The following C17orf75 variants were observed in gnomAD, a reference collection of about 807,000 sequenced individuals.
C17orf75 encodes protein Njmu-R1.
C17orf75 carries 32 observed loss-of-function variants against 49.6 expected under a neutral mutation model. The observed-to-expected ratio is 0.65, with a 90% CI of 0.49 to 0.87. C17orf75 has a LOEUF of 0.87. Ranked by LOEUF, C17orf75 falls within the 40% of genes least tolerant of loss-of-function variation. The pLI, the probability that C17orf75 is intolerant of heterozygous loss-of-function variation, is 0.00. For missense variants in C17orf75, 428 were observed against 473.9 expected, an observed-to-expected ratio of 0.90 and a Z score of 0.90; for synonymous variants, 158 against 159.5, an observed-to-expected ratio of 0.99 and a Z score of 0.07.
chr17:32,342,320 A>G, upstream of C17orf75: 18 of 1,006,212 alleles, frequency 1.8e-5, no homozygotes, highest in Non-Finnish European at 2.3e-5. Context: ...AGGGGCTGAC[A>G]GGCGTACTGA....
In C17orf75 at chr17:32,335,572, C is replaced by G. The variant is rs1477717382; in HGVS notation, c.550-130G>C. 3 of 1,139,390 alleles carry G rather than the reference C, an allele frequency of 2.6e-6. No individual in the cohort carries two copies. In the East Asian group the frequency reaches 7.4e-5, roughly 28 times the overall value. 70.6% of individuals were successfully genotyped at this position (1,139,390 alleles called of 1,614,324 possible). A position where few individuals can be genotyped will look rare whatever the true frequency, so the allele number is the denominator to read the frequency against. Reference sequence around the variant, plus strand: ...ACCTCCCTTTTTAAAGCTAACACCACCAATTCAAAAAAAGAAATTGTGATA... The same window carrying G: ...ACCTCCCTTTTTAAAGCTAACACCAGCAATTCAAAAAAAGAAATTGTGATA... On this transcript the variant is annotated intron_variant, in intron 5 of 9. Transcript: ENST00000577809.
At chr17:32,333,369 T>C in intron 9 of C17orf75, 48 bp downstream of exon 9, 1 of 1,401,714 alleles carries the variant, frequency 7.1e-7, no homozygotes, top group South Asian at 1.2e-5. Flanking sequence ...CTAATTAAAA[T>C]TCAGACAAAA....
chr17:32,342,769 C>G (rs534999034), upstream of C17orf75, among the ~76,000 whole-genome samples: 8 of 152,286 alleles, frequency 5.3e-5, no homozygotes, highest in African/African-American at 1.4e-4. Flanking sequence ...AACTGTGTCT[C>G]TACTAAAAGT....
chr17:32,347,442 C>A (rs1426190366), intron 1 of C17orf75, among the ~76,000 whole-genome samples: 3 of 151,864 alleles, frequency 2.0e-5, no homozygotes, highest in Non-Finnish European at 4.4e-5. Flanking sequence ...CCACACTCAG[C>A]TATTTTTTTT....
chr17:32,334,373 CA>C, intron 8 of C17orf75, 95 bp downstream of exon 8: 1 of 1,409,614 alleles, frequency 7.1e-7, no homozygotes. Context: ...TAAAACTGCA[CA>C]AGGCAGGAAG....
At position 32,331,673 on chromosome 17, in the gene C17orf75, A is replaced by G; in HGVS notation, c.*90T>C. 9.8e-7 allele frequency: 1 copy of G among 1,018,096 alleles called. No individual in the cohort carries two copies. Among genetic ancestry groups the G allele is most frequent in the Non-Finnish European group, 1.5e-6 (1 of 683,006 alleles). The allele number at this position is 1,018,096 out of a possible 1,614,324, so 63.1% of individuals were successfully genotyped here. A position where few individuals can be genotyped will look rare whatever the true frequency, so the allele number is the denominator to read the frequency against. On this transcript the variant is annotated 3_prime_UTR_variant, in exon 10 of 10. Coordinates refer to ENST00000577809, the MANE Select transcript of C17orf75 (RefSeq NM_022344.4). ...TGGATTGAGTTTCAAATCATCTTAA[A>G]TAGCAATCCTATGAACAATTATAAC...
intron 2 of C17orf75, among the ~76,000 whole-genome samples, chr17:32,340,279 C>T (rs1403887705): frequency 6.6e-6 from 1 of 152,194 alleles, no homozygotes; most frequent in Admixed American, 6.5e-5. Flanking sequence ...ATTATAATCA[C>T]ACCCCTGCAC....
chr17:32,328,910 A>C lies in C17orf75; in HGVS notation c.*2853T>G, dbSNP rs1001303716. 2.0e-5 allele frequency: 3 copies of C among 151,494 alleles called. No homozygotes were observed. Among genetic ancestry groups the C allele is most frequent in the Non-Finnish European group, 4.4e-5 (3 of 67,850 alleles). The allele number at this position is 151,494 out of a possible 1,614,324, so 9.4% of individuals were successfully genotyped here. A position where few individuals can be genotyped will look rare whatever the true frequency, so the allele number is the denominator to read the frequency against. ...GTCTTAAAAAATAAAACAAAAACAA[A>C]AAAAAAAACAACTTTAAAAGCCAAG... On this transcript the variant is annotated 3_prime_UTR_variant, in exon 10 of 10. Coordinates refer to ENST00000577809, the MANE Select transcript of C17orf75 (RefSeq NM_022344.4).
intron 6 of C17orf75, among the ~76,000 whole-genome samples, 176 bp from the exon 7 acceptor site, chr17:32,335,015 A>G (rs1353221730): frequency 2.0e-5 from 3 of 152,228 alleles, no homozygotes; most frequent in Admixed American, 6.5e-5. Context: ...TATAGAATCA[A>G]AATTGCTCTG....
upstream of C17orf75, chr17:32,343,429 A>C: frequency 4.8e-6 from 1 of 207,864 alleles, no homozygotes; most frequent in Non-Finnish European, 9.4e-6. Context: ...TTTCATTTAA[A>C]ATTACAAGTT....
At chr17:32,349,592 A>G (rs2041464666) in intron 1 of C17orf75, among the ~76,000 whole-genome samples, 1 of 152,094 alleles carries the variant, frequency 6.6e-6, no homozygotes, top group South Asian at 2.1e-4. Context: ...GAAAAATAAA[A>G]CAAAACAAAG....
intron 1 of C17orf75, 148 bp downstream of exon 1, chr17:32,341,852 A>T: frequency 9.3e-7 from 1 of 1,076,640 alleles, no homozygotes; most frequent in African/African-American, 1.7e-5. Flanking sequence ...AGCGCCCTTC[A>T]GGCCAGAGAC....
intron 5 of C17orf75, 43 bp from the exon 6 acceptor site, chr17:32,335,485 C>A (rs928825711): frequency 1.9e-6 from 3 of 1,595,708 alleles, no homozygotes; most frequent in Non-Finnish European, 2.6e-6. Context: ...ATAAGCCTTT[C>A]CTTTAGTGGA....
chr17:32,334,425 C>A (rs1270208012), intron 8 of C17orf75, 44 bp downstream of exon 8: 10 of 1,582,820 alleles, frequency 6.3e-6, no homozygotes, highest in Middle Eastern at 1.7e-4. Context: ...AAGATGGGGA[C>A]TCGCAAGAGA....
chr17:32,349,562 CAG>C (rs150806726), intron 1 of C17orf75, among the ~76,000 whole-genome samples: 3,213 of 152,166 alleles, frequency 0.021, 101 homozygotes, highest in African/African-American at 0.072. Flanking sequence ...GCCTGGGAGA[CAG>C]AGCGAGACTT....
chr17:32,337,128 T>C (rs1161129744), intron 5 of C17orf75, among the ~76,000 whole-genome samples: 1 of 151,486 alleles, frequency 6.6e-6, no homozygotes, highest in East Asian at 1.9e-4. Context: ...GCCTGGGTGA[T>C]AGAGTGAGAC....
intron 1 of C17orf75, among the ~76,000 whole-genome samples, chr17:32,349,473 C>A (rs576991082): frequency 6.6e-6 from 1 of 151,956 alleles, no homozygotes; most frequent in Non-Finnish European, 1.5e-5. Context: ...CCCAGCTACT[C>A]GGGAGGCTGA....
In C17orf75 at chr17:32,333,511, C is replaced by T. The variant is rs368558604; in HGVS notation, c.881G>A (p.Arg294Gln). The T allele has an allele frequency of 3.4e-5, 54 of 1,609,574 alleles. No homozygotes were observed. Among genetic ancestry groups the T allele is most frequent in the Middle Eastern group, 3.3e-4 (2 of 6,066 alleles). Residue 294 changes from arginine to glutamine, a missense_variant, in exon 9 of 10, where the codon CGG (arginine) becomes CAG (glutamine). By Grantham distance (43) the Arg-to-Gln change is conservative. Transcript: ENST00000577809. ...QPQFCNAGSN[R>Q]FCEDWMQAFL... ...AGCTTGCATCCAATCCTCACAAAAC[C>T]GGTTACTTCCTATAAAACATTTCAG...
chr17:32,345,163 T>C (rs2041415691), upstream of C17orf75, among the ~76,000 whole-genome samples: 1 of 152,114 alleles, frequency 6.6e-6, no homozygotes, highest in Non-Finnish European at 1.5e-5. Flanking sequence ...TTTTCACATT[T>C]GATTGGATAT....
Sources: allele counts gnomAD v4.1 joint callset (sites outside exome capture counted in the v4.1 genomes callset), GRCh38; gene constraint gnomAD v4.1.1; transcripts MANE v1.5; gene names NCBI Gene and HGNC (gene_info 2026-07-23, HGNC 2026-07-21).